Variants in ERBB4 observed in about 807,000 individuals in gnomAD.
ERBB4 encodes the protein receptor tyrosine-protein kinase erbB-4.
ERBB4 carries 42 observed loss-of-function variants against 158.0 expected under a neutral mutation model. The ratio of observed to expected loss-of-function variants is 0.27; its 90% confidence interval spans 0.21 to 0.34. The LOEUF is 0.34. Ranked by LOEUF, ERBB4 falls within the 10% of genes least tolerant of loss-of-function variation. ERBB4 has a pLI of 1.00. For synonymous variants in ERBB4, 583 were observed against 558.7 expected, an observed-to-expected ratio of 1.04 and a Z score of -0.61; for missense variants, 1,333 against 1,624.1, an observed-to-expected ratio of 0.82 and a Z score of 3.08.
At chr2:212,324,183 G>A (rs989121205) in intron 1 of ERBB4, among the ~76,000 whole-genome samples, 3 of 150,540 alleles carry the variant, frequency 2.0e-5, no homozygotes, top group Non-Finnish European at 3.0e-5. Flanking sequence ...AAGGCCTAAG[G>A]TAAAGCCAAA....
At chr2:211,817,313 T>C (rs1480631970) in intron 3 of ERBB4, among the ~76,000 whole-genome samples, 1 of 152,132 alleles carries the variant, frequency 6.6e-6, no homozygotes, top group African/African-American at 2.4e-5. Flanking sequence ...ACCTTTACAT[T>C]TGGAGCCTCA....
At chr2:212,081,914 T>C (rs2078456961) in intron 2 of ERBB4, among the ~76,000 whole-genome samples, 1 of 152,180 alleles carries the variant, frequency 6.6e-6, no homozygotes, top group Admixed American at 6.6e-5. Flanking sequence ...AACTTCAGCC[T>C]TTGTTAGACT....
chr2:212,299,613 G>A (rs1223980256), intron 1 of ERBB4, among the ~76,000 whole-genome samples: 1 of 151,446 alleles, frequency 6.6e-6, no homozygotes, highest in Non-Finnish European at 1.5e-5. Context: ...TAATGGCAGG[G>A]ACACAGAGGT....
At chr2:211,848,022 A>G (rs2077630841) in intron 3 of ERBB4, among the ~76,000 whole-genome samples, 1 of 152,136 alleles carries the variant, frequency 6.6e-6, no homozygotes, top group South Asian at 2.1e-4. Context: ...CTTCAAACCC[A>G]GGCCGTCTGG....
intron 2 of ERBB4, among the ~76,000 whole-genome samples, chr2:212,105,773 C>T (rs573902505): frequency 1.8e-4 from 28 of 152,274 alleles, no homozygotes; most frequent in African/African-American, 6.0e-4. Flanking sequence ...ACAATTCCCA[C>T]GTGTTGTGGG....
At chr2:212,042,643 C>T (rs1412185298) in intron 2 of ERBB4, among the ~76,000 whole-genome samples, 2 of 151,944 alleles carry the variant, frequency 1.3e-5, no homozygotes, top group Non-Finnish European at 2.9e-5. Context: ...TATAATCTTT[C>T]TTTGTGGTTT....
intron 2 of ERBB4, among the ~76,000 whole-genome samples, chr2:211,999,773 A>G (rs1248351899): frequency 6.6e-6 from 1 of 151,330 alleles, no homozygotes; most frequent in African/African-American, 2.4e-5. Flanking sequence ...CTTTTTTTCA[A>G]TTTGCTAATA....
intron 1 of ERBB4, among the ~76,000 whole-genome samples, chr2:212,529,163 C>G (rs1204735765): frequency 6.6e-6 from 1 of 152,086 alleles, no homozygotes; most frequent in African/African-American, 2.4e-5. Flanking sequence ...CTCTTCAGTT[C>G]CTAACATGGT....
chr2:212,209,984 T>G (rs977842719), intron 1 of ERBB4, among the ~76,000 whole-genome samples: 5 of 151,892 alleles, frequency 3.3e-5, no homozygotes, highest in Non-Finnish European at 1.5e-5. Flanking sequence ...GATATGGAGA[T>G]AGAATAGGTA....
intron 1 of ERBB4, among the ~76,000 whole-genome samples, chr2:212,329,733 C>G (rs1170238400): frequency 6.6e-6 from 1 of 152,024 alleles, no homozygotes; most frequent in Non-Finnish European, 1.5e-5. Context: ...TTCTGCTGGC[C>G]TAGTGTCACT....
chr2:211,633,945 A>C (rs2070251475), intron 16 of ERBB4, among the ~76,000 whole-genome samples: 1 of 152,166 alleles, frequency 6.6e-6, no homozygotes, highest in Non-Finnish European at 1.5e-5. Flanking sequence ...GATTGCCTGA[A>C]GTCAGGAGTT....
rs2072639774 is a variant in ERBB4, at chr2:211,688,053, A to G, written c.1490-8869T>C. Among the ~76,000 whole-genome samples, 9 of 152,224 alleles carry G rather than the reference A, an allele frequency of 5.9e-5. No homozygotes were observed. In the South Asian group the frequency reaches 1.9e-3, roughly 31 times the overall value. On this transcript the variant is annotated intron_variant, in intron 12 of 27. Transcript: ENST00000342788. ...TTCCTTACCTTTGAGCTATTATCATACATCTTACTTTCCCATGTTATTCAC... is the reference window on the plus strand; with the variant it reads ...TTCCTTACCTTTGAGCTATTATCATGCATCTTACTTTCCCATGTTATTCAC...
intron 19 of ERBB4, among the ~76,000 whole-genome samples, chr2:211,581,358 T>C (rs966934573): frequency 6.6e-6 from 1 of 151,878 alleles, no homozygotes. Flanking sequence ...AAGTAATAAG[T>C]GTAAAATCAC....
chr2:211,409,402 G>C (rs1678505778), intron 25 of ERBB4, among the ~76,000 whole-genome samples: 1 of 152,100 alleles, frequency 6.6e-6, no homozygotes, highest in African/African-American at 2.4e-5. Flanking sequence ...ATCAATAAAT[G>C]GTAGCTATAT....
At chr2:211,393,342 T>G (rs2062842759) in intron 25 of ERBB4, among the ~76,000 whole-genome samples, 1 of 152,152 alleles carries the variant, frequency 6.6e-6, no homozygotes, top group Non-Finnish European at 1.5e-5. Context: ...TAACTCCCAT[T>G]TTATAGACAA....
chr2:211,938,428 T>C (rs1344847205), intron 3 of ERBB4, among the ~76,000 whole-genome samples: 2 of 152,094 alleles, frequency 1.3e-5, no homozygotes, highest in African/African-American at 4.8e-5. Context: ...AAAAGTCTGG[T>C]CCCTTTAGTG....
intron 23 of ERBB4, among the ~76,000 whole-genome samples, chr2:211,423,118 T>C (rs2125409324): frequency 6.6e-6 from 1 of 152,084 alleles, no homozygotes; most frequent in Middle Eastern, 3.4e-3. Context: ...AATGCCAAGA[T>C]GCTAATGAGA....
chr2:212,369,731 G>A (rs2090019176), intron 1 of ERBB4, among the ~76,000 whole-genome samples: 1 of 151,996 alleles, frequency 6.6e-6, no homozygotes, highest in African/African-American at 2.4e-5. Context: ...GTCTCACTCT[G>A]ATGCCTGGCT....
At chr2:211,755,113 T>C (rs1158491736) in intron 4 of ERBB4, among the ~76,000 whole-genome samples, 1 of 152,226 alleles carries the variant, frequency 6.6e-6, no homozygotes, top group Admixed American at 6.5e-5. Flanking sequence ...AATTAGTACG[T>C]CTTGTTATTT....
Sources: gnomAD v4.1 joint callset for allele counts (sites outside exome capture counted in the v4.1 genomes callset) on GRCh38, gnomAD v4.1.1 for gene constraint, MANE v1.5 for transcripts, NCBI Gene and HGNC (gene_info 2026-07-23, HGNC 2026-07-21) for gene names.